Variants in PRKCB observed in about 807,000 individuals in gnomAD.
PRKCB encodes the protein protein kinase C beta type.
PRKCB carries 13 observed loss-of-function variants against 81.5 expected under a neutral mutation model. The ratio of observed to expected loss-of-function variants is 0.16; its 90% confidence interval spans 0.10 to 0.25. PRKCB has a LOEUF of 0.25. Ranked by LOEUF, PRKCB falls within the 10% of genes least tolerant of loss-of-function variation. The probability of loss-of-function intolerance (pLI) is 1.00; values close to 1 mark genes in which losing one functional copy is unlikely to be tolerated. For missense variants in PRKCB, 509 were observed against 875.7 expected (o/e 0.58, Z 5.29); for synonymous variants, 335 against 321.4 (o/e 1.04, Z -0.45).
chr16:23,952,582 C>T (rs1302623020), intron 2 of PRKCB, among the ~76,000 whole-genome samples: 4 of 152,168 alleles, frequency 2.6e-5, no homozygotes, highest in South Asian at 2.1e-4. Flanking sequence ...CTCTTGTGAG[C>T]GGAGCTTCCT....
intron 7 of PRKCB, among the ~76,000 whole-genome samples, chr16:24,103,827 C>T (rs901312028): frequency 6.6e-5 from 10 of 151,706 alleles, no homozygotes; most frequent in Non-Finnish European, 8.8e-5. Context: ...TTTTCTGAGG[C>T]GGTGTTTCAC....
intron 9 of PRKCB, among the ~76,000 whole-genome samples, chr16:24,125,898 A>G (rs2141930550): frequency 6.6e-6 from 1 of 152,320 alleles, no homozygotes; most frequent in East Asian, 1.9e-4. Flanking sequence ...CCAGTCCCTA[A>G]GGTTGGGAAT....
intron 3 of PRKCB, among the ~76,000 whole-genome samples, chr16:24,011,530 T>C (rs1172001519): frequency 6.6e-6 from 1 of 152,186 alleles, no homozygotes. Flanking sequence ...TATTTTGTTT[T>C]GTTTGAGACA....
chr16:24,029,109 C>T (rs549466260), intron 3 of PRKCB, among the ~76,000 whole-genome samples: 3 of 152,240 alleles, frequency 2.0e-5, no homozygotes, highest in East Asian at 3.9e-4. Flanking sequence ...TTCATTTCAC[C>T]GAAAAGTAGG....
At chr16:23,981,590 CTTCCCTTCCCTTCCCTTTCCTTTCCCT>C (rs1369430504) in intron 2 of PRKCB, among the ~76,000 whole-genome samples, 6 of 149,956 alleles carry the variant, frequency 4.0e-5, no homozygotes, top group Non-Finnish European at 7.4e-5. Context: ...CTTTCCTTTC[CTTCCCTTCCCTTCCCTTTCCTTTCCCT>C]TTCCCTTCCC....
At chr16:23,942,669 A>C (rs1445423049) in intron 2 of PRKCB, among the ~76,000 whole-genome samples, 3 of 152,334 alleles carry the variant, frequency 2.0e-5, no homozygotes, top group Non-Finnish European at 2.9e-5. Context: ...TGTAGCAGTA[A>C]ATATGATTGG....
chr16:24,006,453 G>A (rs1390643309), intron 3 of PRKCB, among the ~76,000 whole-genome samples: 1 of 152,214 alleles, frequency 6.6e-6, no homozygotes, highest in Admixed American at 6.5e-5. Flanking sequence ...AAGCTCAATT[G>A]CCAGGCATGC....
intron 8 of PRKCB, among the ~76,000 whole-genome samples, chr16:24,115,583 C>T (rs1055205842): frequency 1.7e-4 from 25 of 151,244 alleles, no homozygotes; most frequent in African/African-American, 5.4e-4. Flanking sequence ...AGCATTTATC[C>T]GAAGAGTATT....
Position 23,836,174 on chromosome 16 carries a change from A to G in PRKCB, c.-2A>G. On this transcript the variant is annotated 5_prime_UTR_variant, in exon 1 of 17. Transcript: ENST00000643927. ...CTCGGGCTCCGGCTCCCCGCGCGCA[A>G]GATGGCTGACCCGGCTGCGGGGCCG... is the stretch of plus-strand genomic sequence containing the variant. The G allele has an allele frequency of 6.5e-7, 1 of 1,546,770 alleles. No homozygotes were observed. Among genetic ancestry groups the G allele is most frequent in the Non-Finnish European group, 8.7e-7 (1 of 1,150,434 alleles).
At chr16:23,867,285 A>ATT (rs111644356) in intron 2 of PRKCB, among the ~76,000 whole-genome samples, 2 of 151,366 alleles carry the variant, frequency 1.3e-5, no homozygotes, top group African/African-American at 4.9e-5. Context: ...CACCTGGCTG[A>ATT]TTTTTTTTGT....
chr16:23,960,594 C>T (rs918488849), intron 2 of PRKCB, among the ~76,000 whole-genome samples: 1 of 152,066 alleles, frequency 6.6e-6, no homozygotes, highest in African/African-American at 2.4e-5. Context: ...AGCCCAGCAT[C>T]CATTAGCTAT....
At position 23,980,491 on chromosome 16, in the gene PRKCB, A is replaced by G. The variant is rs140170564; in HGVS notation, c.206-8017A>G. Among the ~76,000 whole-genome samples the G allele has an allele frequency of 4.8e-4, 73 of 152,344 alleles. 1 individual carries two copies. In the East Asian group the frequency reaches 0.012, roughly 25 times the overall value. ...TATTTGAGCTGCACAACAACCTTAT[A>G]TACATAGGTACTGTGATAAAATAAG... On this transcript the variant is annotated intron_variant, in intron 2 of 16. Coordinates refer to ENST00000643927, the MANE Select transcript of PRKCB (RefSeq NM_002738.7).
chr16:24,199,978 A>T (rs1432858144), intron 16 of PRKCB, among the ~76,000 whole-genome samples: 2 of 152,372 alleles, frequency 1.3e-5, no homozygotes, highest in East Asian at 3.9e-4. Context: ...TAATAGAAAA[A>T]GACTGAGTAT....
At chr16:23,933,039 A>AGCAGAT (rs1964000340) in intron 2 of PRKCB, among the ~76,000 whole-genome samples, 2 of 152,102 alleles carry the variant, frequency 1.3e-5, no homozygotes, top group African/African-American at 4.8e-5. Context: ...AGATGCTATT[A>AGCAGAT]GCTACCCATC....
At chr16:24,168,287 C>T (rs1349681232) in intron 10 of PRKCB, among the ~76,000 whole-genome samples, 1 of 152,146 alleles carries the variant, frequency 6.6e-6, no homozygotes, top group Non-Finnish European at 1.5e-5. Flanking sequence ...TGCAACAAGA[C>T]TTCAAATACT....
At chr16:24,135,719 C>G (rs1349176892) in intron 9 of PRKCB, among the ~76,000 whole-genome samples, 2 of 152,186 alleles carry the variant, frequency 1.3e-5, no homozygotes, top group African/African-American at 2.4e-5. Context: ...CAAAGGCCTT[C>G]TCTAAAGTCT....
At chr16:24,010,715 C>T (rs1266669636) in intron 3 of PRKCB, among the ~76,000 whole-genome samples, 1 of 152,168 alleles carries the variant, frequency 6.6e-6, no homozygotes, top group African/African-American at 2.4e-5. Context: ...GCCTGGAAGC[C>T]ACTTGCTTCT....
chr16:24,100,915 T>A lies in PRKCB; in HGVS notation c.821+6618T>A, dbSNP rs537478973. Among the ~76,000 whole-genome samples the A allele has an allele frequency of 3.3e-5, 5 of 151,990 alleles. No homozygotes were observed. In the South Asian group the frequency reaches 1.0e-3, roughly 32 times the overall value. On this transcript the variant is annotated intron_variant, in intron 7 of 16. Coordinates refer to ENST00000643927, the MANE Select transcript of PRKCB (RefSeq NM_002738.7). ...GGGTTGAGAGTGAAATCATAGGGGG[T>A]CAAAGCTGTCTTCTCATGTTGAGTC...
At chr16:23,837,176 A>C (rs1696409721) in intron 1 of PRKCB, 199 bp from the exon 2 acceptor site, 6 of 703,696 alleles carry the variant, frequency 8.5e-6, no homozygotes. Context: ...TCTCTTCTGC[A>C]GGAGTGAAGG....
Sources: gnomAD v4.1 joint callset for allele counts (sites outside exome capture counted in the v4.1 genomes callset) on GRCh38, gnomAD v4.1.1 for gene constraint, MANE v1.5 for transcripts, NCBI Gene and HGNC (gene_info 2026-07-23, HGNC 2026-07-21) for gene names.